PLXNA4: variants seen among roughly 807,000 people sequenced by gnomAD.
PLXNA4 encodes plexin A4.
In PLXNA4, 44 loss-of-function variants were observed where a neutral mutation model predicts 191.8. The ratio of observed to expected loss-of-function variants is 0.23; its 90% CI spans 0.18 to 0.29. The LOEUF is 0.29. PLXNA4 is among the 10% of genes least tolerant of loss of function. PLXNA4 has a pLI of 1.00. For missense variants in PLXNA4, 1,800 were observed against 2,488.8 expected, an observed-to-expected ratio of 0.72 and a Z score of 5.89; for synonymous variants, 1,082 against 1,009.5, an observed-to-expected ratio of 1.07 and a Z score of -1.36.
chr7:132,141,665 T>C (rs575006022), intron 29 of PLXNA4, among the ~76,000 whole-genome samples: 11 of 152,224 alleles, frequency 7.2e-5, no homozygotes, highest in Non-Finnish European at 1.6e-4. Context: ...GTGTCCAGAA[T>C]GCCTTCACAA....
chr7:132,312,877 TTTACATGAGGG>T (rs1801799265), intron 3 of PLXNA4, among the ~76,000 whole-genome samples: 1 of 152,180 alleles, frequency 6.6e-6, no homozygotes, highest in Non-Finnish European at 1.5e-5. Flanking sequence ...TTAGCACTTA[TTTACATGAGGG>T]GTCCATGGCT....
At position 132,489,480 on chromosome 7, in the gene PLXNA4, A is replaced by C. The variant is rs1031788742; in HGVS notation, c.1189-6T>G. 6.5e-7 allele frequency: 1 copy of C among 1,542,064 alleles called. No homozygotes were observed. The highest frequency in any genetic ancestry group is 1.7e-4 in the Middle Eastern group (1 of 5,720). ...TTATCGTCAATGGTTAAGAGCTGCAAATTTTAAAAAGAGAAAAATTAGAAG... is the reference window on the plus strand; with the variant it reads ...TTATCGTCAATGGTTAAGAGCTGCACATTTTAAAAAGAGAAAAATTAGAAG... On this transcript the variant is annotated splice_region_variant and splice_polypyrimidine_tract_variant and intron_variant, in intron 2 of 31. Coordinates refer to ENST00000321063, the MANE Select transcript of PLXNA4 (RefSeq NM_020911.2).
chr7:132,206,540 G>A (rs1247807337), intron 10 of PLXNA4, among the ~76,000 whole-genome samples: 1 of 152,010 alleles, frequency 6.6e-6, no homozygotes, highest in African/African-American at 2.4e-5. Context: ...AGGATCACAT[G>A]TGCTGGGCAT....
Position 132,393,984 on chromosome 7 carries a change from C to CTT in PLXNA4, c.1371+95306_1371+95307dup, listed in dbSNP as rs768881083. Reference sequence around the variant, plus strand: ...AGACCACTAATTTGCACCCCACCCTCTTTTTTTTTTTTTTTTTCGTATTAA... The same window carrying CTT: ...AGACCACTAATTTGCACCCCACCCTCTTTTTTTTTTTTTTTTTTTCGTATTAA... On this transcript the variant is annotated intron_variant, in intron 3 of 31. Coordinates refer to ENST00000321063, the MANE Select transcript of PLXNA4 (RefSeq NM_020911.2). 4.6e-4 allele frequency among the ~76,000 whole-genome samples: 63 copies of CTT among 137,570 alleles called. 2 individuals carry two copies. In the South Asian group the frequency reaches 0.01, roughly 22 times the overall value. The allele number at this position is 137,570 out of a possible 152,430, so 90.3% of individuals were successfully genotyped here.
chr7:132,556,596 C>T (rs1372546305), intron 1 of PLXNA4, among the ~76,000 whole-genome samples: 1 of 152,256 alleles, frequency 6.6e-6, no homozygotes, highest in African/African-American at 2.4e-5. Context: ...CCAGACCTGT[C>T]TGCCTCCAAA....
chr7:132,517,047 G>A (rs915416947), intron 1 of PLXNA4, among the ~76,000 whole-genome samples: 6 of 152,184 alleles, frequency 3.9e-5, no homozygotes, highest in Admixed American at 2.0e-4. Flanking sequence ...GGCAAGCTCT[G>A]CAGATCCTCC....
At chr7:132,596,432 G>A (rs1448155248) in intron 2 of PLXNA4, among the ~76,000 whole-genome samples, 1 of 152,226 alleles carries the variant, frequency 6.6e-6, no homozygotes, top group African/African-American at 2.4e-5. Context: ...ACAGCCCCAG[G>A]ACGCTGGAGA....
chr7:132,430,028 C>T (rs1563094045), intron 3 of PLXNA4, among the ~76,000 whole-genome samples: 1 of 152,136 alleles, frequency 6.6e-6, no homozygotes, highest in Admixed American at 6.5e-5. Flanking sequence ...TCTCAATCTG[C>T]CCCTCTCTAT....
intron 2 of PLXNA4, among the ~76,000 whole-genome samples, chr7:132,491,855 G>A (rs1797818961): frequency 6.6e-6 from 1 of 152,250 alleles, no homozygotes; most frequent in Admixed American, 6.5e-5. Context: ...AAGGAGACAG[G>A]AGGCAGAGGG....
chr7:132,413,612 A>C (rs145964591), intron 3 of PLXNA4, among the ~76,000 whole-genome samples: 154 of 152,346 alleles, frequency 1.0e-3, no homozygotes, highest in Non-Finnish European at 7.3e-4. Flanking sequence ...GGTGCCTTAC[A>C]AATGGAGTTA....
rs550940424 is a variant in PLXNA4, at chr7:132,479,452, C to T, written c.1371+9840G>A. 5.3e-4 allele frequency among the ~76,000 whole-genome samples: 81 copies of T among 152,168 alleles called. 1 individual carries two copies. The South Asian group carries it at 9.1e-3, about 17-fold the overall frequency. ...TCCTAAAAGGACTCAAAAGGGAAAC[C>T]CAGGAAGCCAACAAAATAGAGCTGG... On this transcript the variant is annotated intron_variant, in intron 3 of 31. Transcript: ENST00000321063.
At chr7:132,542,502 G>A (rs569792734) in intron 1 of PLXNA4, among the ~76,000 whole-genome samples, 16 of 152,240 alleles carry the variant, frequency 1.1e-4, no homozygotes, top group African/African-American at 3.1e-4. Flanking sequence ...TATTTAACCT[G>A]CTTAGAGTTT....
intron 4 of PLXNA4, among the ~76,000 whole-genome samples, chr7:132,277,997 TA>T (rs1438484596): frequency 6.6e-6 from 1 of 152,192 alleles, no homozygotes; most frequent in Non-Finnish European, 1.5e-5. Context: ...GGGTGAACAA[TA>T]AGTGCCTGCT....
intron 3 of PLXNA4, among the ~76,000 whole-genome samples, chr7:132,387,115 C>T (rs946715349): frequency 2.6e-5 from 4 of 152,200 alleles, no homozygotes; most frequent in East Asian, 1.9e-4. Flanking sequence ...ACTAACAACT[C>T]GTTCACAGAG....
chr7:132,431,818 A>G (rs1218336876), intron 3 of PLXNA4, among the ~76,000 whole-genome samples: 1 of 152,168 alleles, frequency 6.6e-6, no homozygotes, highest in Non-Finnish European at 1.5e-5. Flanking sequence ...AGGGTACGTG[A>G]GATAATGTGT....
intron 5 of PLXNA4, among the ~76,000 whole-genome samples, chr7:132,235,669 C>T (rs1362492460): frequency 1.3e-5 from 2 of 152,132 alleles, no homozygotes; most frequent in Non-Finnish European, 2.9e-5. Flanking sequence ...AGAAAGGTAA[C>T]GCCTGGGCCA....
intron 2 of PLXNA4, among the ~76,000 whole-genome samples, chr7:132,608,691 C>A (rs1473162141): frequency 6.6e-6 from 1 of 152,124 alleles, no homozygotes; most frequent in South Asian, 2.1e-4. Flanking sequence ...GCATCCCCCA[C>A]CCCCGCACTC....
At chr7:132,439,269 G>A (rs951692376) in intron 3 of PLXNA4, among the ~76,000 whole-genome samples, 1 of 152,112 alleles carries the variant, frequency 6.6e-6, no homozygotes, top group African/African-American at 2.4e-5. Context: ...ATAGAGTCCC[G>A]CCCCGGCCAA....
intron 4 of PLXNA4, among the ~76,000 whole-genome samples, chr7:132,288,336 C>T (rs1356168758): frequency 6.6e-6 from 1 of 152,136 alleles, no homozygotes; most frequent in African/African-American, 2.4e-5. Context: ...CCCTCTGGTT[C>T]CTCCAGTTCT....
Sources: allele counts gnomAD v4.1 joint callset (sites outside exome capture counted in the v4.1 genomes callset), GRCh38; gene constraint gnomAD v4.1.1; transcripts MANE v1.5; gene names NCBI Gene and HGNC (gene_info 2026-07-23, HGNC 2026-07-21).